Variants in ENAH observed in about 807,000 individuals in gnomAD.
The protein encoded by ENAH is protein enabled homolog.
A neutral mutation model predicts 78.7 loss-of-function variants in ENAH; 23 were observed. The ratio of observed to expected loss-of-function variants is 0.29; its 90% confidence interval spans 0.21 to 0.41. The LOEUF is 0.41. ENAH is among the 10% of genes least tolerant of loss of function. ENAH has a pLI of 1.00. For synonymous variants in ENAH, 226 were observed against 241.0 expected, an observed-to-expected ratio of 0.94 and a Z score of 0.58; for missense variants, 544 against 691.0, an observed-to-expected ratio of 0.79 and a Z score of 2.39.
At chr1:225,623,871 A>G (rs7528310) in intron 1 of ENAH, among the ~76,000 whole-genome samples, 149,050 of 152,282 alleles carry the variant, frequency 0.98, 72,957 homozygotes, top group East Asian at 1. Context: ...TTACAGGCGT[A>G]AGCCACCGGG....
intron 3 of ENAH, among the ~76,000 whole-genome samples, chr1:225,532,461 T>C (rs1404861260): frequency 6.6e-6 from 1 of 152,124 alleles, no homozygotes; most frequent in Non-Finnish European, 1.5e-5. Flanking sequence ...GTTTGGCATC[T>C]ACCTCAAAGA....
intron 1 of ENAH, among the ~76,000 whole-genome samples, chr1:225,638,693 TA>T (rs754265689): frequency 3.9e-5 from 6 of 152,188 alleles, no homozygotes; most frequent in Admixed American, 6.5e-5. Context: ...GGCACTGAAG[TA>T]GTTCAGACTC....
At chr1:225,546,063 A>T (rs1405187183) in intron 3 of ENAH, among the ~76,000 whole-genome samples, 5 of 151,978 alleles carry the variant, frequency 3.3e-5, no homozygotes, top group Non-Finnish European at 7.4e-5. Flanking sequence ...AGCTAGGGCT[A>T]TAGATGTACG....
chr1:225,544,971 A>C (rs1361071941), intron 3 of ENAH, among the ~76,000 whole-genome samples: 1 of 152,196 alleles, frequency 6.6e-6, no homozygotes, highest in Non-Finnish European at 1.5e-5. Context: ...ATTTTTATAT[A>C]TTAAGCATCA....
Position 225,490,953 on chromosome 1 carries a change from G to C in ENAH, c.*6822C>G, listed in dbSNP as rs1226129294. 6.6e-6 allele frequency: 1 copy of C among 152,148 alleles called. No homozygotes were observed. Among genetic ancestry groups the C allele is most frequent in the African/African-American group, 2.4e-5 (1 of 41,414 alleles). 9.4% of individuals were successfully genotyped at this position (152,148 alleles called of 1,614,324 possible). On this transcript the variant is annotated 3_prime_UTR_variant, in exon 14 of 14. Transcript: ENST00000366843. ...TTATGACTTACGACAATCAAATGGG[G>C]TTTGTGAATCCATGGTTAAGCTAGC...
chr1:225,536,995 T>G lies in ENAH; in HGVS notation c.350-6357A>C, dbSNP rs137951624. ...AACAATTTAGAATATTTTCAATAAT[T>G]ATAAGTTTAAACTGTTTTTTTAAAA... On this transcript the variant is annotated intron_variant, in intron 3 of 13. Coordinates refer to ENST00000366843, the MANE Select transcript of ENAH (RefSeq NM_018212.6). Among the ~76,000 whole-genome samples, 255 of 152,240 alleles carry G rather than the reference T, an allele frequency of 1.7e-3. 1 individual carries two copies. The highest frequency in any genetic ancestry group is 5.7e-3 in the African/African-American group (236 of 41,556).
At chr1:225,553,678 C>G (rs890451665) in intron 3 of ENAH, among the ~76,000 whole-genome samples, 1 of 151,936 alleles carries the variant, frequency 6.6e-6, no homozygotes, top group Non-Finnish European at 1.5e-5. Flanking sequence ...AAAATACTGA[C>G]ACCTAGGAGA....
chr1:225,559,264 G>A (rs1358474836), intron 2 of ENAH, among the ~76,000 whole-genome samples: 2 of 152,042 alleles, frequency 1.3e-5, no homozygotes, highest in Non-Finnish European at 2.9e-5. Context: ...CTTATTTCTA[G>A]ATTAATTCTG....
intron 10 of ENAH, among the ~76,000 whole-genome samples, chr1:225,509,815 A>G (rs965202009): frequency 2.3e-4 from 35 of 152,084 alleles, no homozygotes; most frequent in African/African-American, 8.0e-4. Context: ...TCTATTTCCT[A>G]TTTCCTAATC....
At chr1:225,550,171 T>A (rs1239972885) in intron 3 of ENAH, among the ~76,000 whole-genome samples, 2 of 152,170 alleles carry the variant, frequency 1.3e-5, no homozygotes, top group African/African-American at 4.8e-5. Context: ...CAAACCTATC[T>A]AGAATGTTCT....
chr1:225,587,056 TA>T (rs2096851154), intron 1 of ENAH, among the ~76,000 whole-genome samples: 1 of 152,138 alleles, frequency 6.6e-6, no homozygotes, highest in South Asian at 2.1e-4. Flanking sequence ...CCTAATGTGA[TA>T]AAGATCATAT....
chr1:225,551,568 A>AT (rs2096640801), intron 3 of ENAH, among the ~76,000 whole-genome samples: 1 of 152,202 alleles, frequency 6.6e-6, no homozygotes, highest in African/African-American at 2.4e-5. Context: ...CCGGAACCCT[A>AT]TATCAATCAG....
rs1314604542 is a variant in ENAH at position 225,652,949 on chromosome 1, C to T, written c.-259G>A. On this transcript the variant is annotated 5_prime_UTR_variant, in exon 1 of 14. Coordinates refer to ENST00000366843, the MANE Select transcript of ENAH (RefSeq NM_018212.6). ...GGCGCGGAGCTGGTCCCCAGGCGGC[C>T]GCCGCCTCCCACCTCCTCGTGGTCC... 2 of 374,028 alleles carry T rather than the reference C, an allele frequency of 5.3e-6. No individual in the cohort carries two copies. Among genetic ancestry groups the T allele is most frequent in the Non-Finnish European group, 9.5e-6 (2 of 210,866 alleles). The allele number at this position is 374,028 out of a possible 1,614,324, so 23.2% of individuals were successfully genotyped here.
intron 3 of ENAH, among the ~76,000 whole-genome samples, chr1:225,539,846 T>G (rs1447602769): frequency 6.6e-6 from 1 of 152,232 alleles, no homozygotes; most frequent in East Asian, 1.9e-4. Flanking sequence ...TGCCTCTTTT[T>G]GTACCAACTA....
intron 4 of ENAH, among the ~76,000 whole-genome samples, chr1:225,529,706 A>G (rs2096528398): frequency 6.6e-6 from 1 of 152,180 alleles, no homozygotes; most frequent in Non-Finnish European, 1.5e-5. Flanking sequence ...CAGAACACAT[A>G]CTGAAGACGG....
chr1:225,560,481 A>AC (rs950870860), intron 2 of ENAH, among the ~76,000 whole-genome samples: 7 of 149,332 alleles, frequency 4.7e-5, no homozygotes, highest in African/African-American at 7.4e-5. Context: ...ACAGAGTGAG[A>AC]CAAAAAAAAA....
At chr1:225,565,390 A>G (rs1246581415) in intron 2 of ENAH, among the ~76,000 whole-genome samples, 1 of 152,040 alleles carries the variant, frequency 6.6e-6, no homozygotes, top group African/African-American at 2.4e-5. Context: ...AGCCACAATC[A>G]CGCCATTGCA....
chr1:225,501,438 G>A (rs1403388634), intron 11 of ENAH, among the ~76,000 whole-genome samples: 6 of 152,144 alleles, frequency 3.9e-5, no homozygotes, highest in African/African-American at 1.4e-4. Context: ...ATCTTGTTTT[G>A]TCTTTCTTTT....
At chr1:225,626,460 T>G (rs1160242261) in intron 1 of ENAH, among the ~76,000 whole-genome samples, 1 of 152,250 alleles carries the variant, frequency 6.6e-6, no homozygotes, top group East Asian at 1.9e-4. Flanking sequence ...ACCTCGTGAA[T>G]GGCATTTATG....
Sources: gnomAD v4.1 joint callset for allele counts (sites outside exome capture counted in the v4.1 genomes callset) on GRCh38, gnomAD v4.1.1 for gene constraint, MANE v1.5 for transcripts, NCBI Gene and HGNC (gene_info 2026-07-23, HGNC 2026-07-21) for gene names.